ALMS1: variants seen among roughly 807,000 people sequenced by gnomAD.
ALMS1 encodes ALMS1 centrosome and basal body associated protein, also known as centrosome-associated protein ALMS1.
Under a neutral mutation model 352.2 loss-of-function variants are expected in ALMS1, and 271 were observed. That is an observed-to-expected ratio of 0.77 (90% confidence interval 0.70 to 0.85). The LOEUF (loss-of-function observed/expected upper bound fraction) is 0.85, where lower values mean the gene tolerates loss of function less well. Among genes scored for constraint, ALMS1 ranks in the 40% least tolerant of loss-of-function variants. ALMS1 has a pLI of 0.00. For synonymous variants in ALMS1, 1,865 were observed against 1,761.2 expected (o/e 1.06, Z -1.48); for missense variants, 5,445 against 4,870.7 (o/e 1.12, Z -3.51).
intron 4 of ALMS1, among the ~76,000 whole-genome samples, chr2:73,423,652 A>G (rs1012924818): frequency 1.3e-5 from 2 of 152,184 alleles, no homozygotes; most frequent in South Asian, 4.1e-4. Flanking sequence ...CTATATATTT[A>G]CCTGATATCA....
chr2:73,409,843 G>A (rs566831211), intron 2 of ALMS1, among the ~76,000 whole-genome samples: 11 of 152,300 alleles, frequency 7.2e-5, no homozygotes, highest in African/African-American at 2.6e-4. Context: ...GGAGCCCCAG[G>A]AGGGCTGATG....
At chr2:73,487,286 T>G (rs568630009) in intron 9 of ALMS1, among the ~76,000 whole-genome samples, 3 of 152,136 alleles carry the variant, frequency 2.0e-5, no homozygotes, top group African/African-American at 7.2e-5. Context: ...CAAGCAAGTG[T>G]GGGGTCTAGC....
chr2:73,494,332 G>A (rs899862563), intron 10 of ALMS1, among the ~76,000 whole-genome samples: 5 of 152,206 alleles, frequency 3.3e-5, no homozygotes, highest in Admixed American at 2.6e-4. Flanking sequence ...TGGGGGATAT[G>A]TTAGAGGTTG....
chr2:73,527,313 T>G (rs1673811799), intron 11 of ALMS1, among the ~76,000 whole-genome samples: 1 of 151,944 alleles, frequency 6.6e-6, no homozygotes, highest in Non-Finnish European at 1.5e-5. Context: ...TTCTCTCCTC[T>G]TCCATTTCTT....
intron 1 of ALMS1, among the ~76,000 whole-genome samples, chr2:73,408,173 C>T (rs568120636): frequency 9.2e-5 from 14 of 152,264 alleles, no homozygotes; most frequent in Admixed American, 7.8e-4. Flanking sequence ...ATTTGTGTTC[C>T]TTCAGCCTTT....
chr2:73,426,422 A>G, intron 5 of ALMS1, 31 bp from the exon 6 acceptor site: 1 of 1,608,544 alleles, frequency 6.2e-7, no homozygotes, highest in Non-Finnish European at 8.5e-7. Flanking sequence ...TACTATACAT[A>G]CAATTATGCA....
chr2:73,414,661 C>G (rs1487245861), intron 2 of ALMS1, among the ~76,000 whole-genome samples: 1 of 151,828 alleles, frequency 6.6e-6, no homozygotes, highest in Non-Finnish European at 1.5e-5. Context: ...GCATTTGACA[C>G]TATTATTAAT....
intron 9 of ALMS1, among the ~76,000 whole-genome samples, chr2:73,471,206 ATTTTGC>A (rs1260396510): frequency 7.1e-6 from 1 of 140,796 alleles, no homozygotes; most frequent in Non-Finnish European, 1.6e-5. Context: ...TGATTTGTTG[ATTTTGC>A]TTTGATCCTT....
chr2:73,423,470 G>GGAC (rs1671321272), intron 4 of ALMS1, among the ~76,000 whole-genome samples: 1 of 152,102 alleles, frequency 6.6e-6, no homozygotes, highest in Admixed American at 6.5e-5. Flanking sequence ...CAAATGAACA[G>GGAC]ATACTCCAAA....
In ALMS1 at chr2:73,453,410, A is replaced by G; in HGVS notation, c.6883A>G (p.Ile2295Val). 1 of 1,613,852 alleles carries G rather than the reference A, an allele frequency of 6.2e-7. No homozygotes were observed. Among genetic ancestry groups the G allele is most frequent in the Non-Finnish European group, 8.5e-7 (1 of 1,179,930 alleles). ...RFRDISDISF[I>V]QSKKVVCFKE... ...CAGAGATATTAGTGATATTTCATTT[A>G]TACAATCTAAGAAGGTGGTTTGCTT... is the stretch of plus-strand genomic sequence containing the variant. The change falls in exon 8 of 23, where the codon ATA becomes GTA. Residue 2295 changes from isoleucine to valine, a missense_variant. By Grantham distance (29) the Ile-to-Val change is conservative. Transcript: ENST00000613296.
chr2:73,397,860 C>A lies in ALMS1; in HGVS notation c.325-10762C>A, dbSNP rs79382699. Among the ~76,000 whole-genome samples the A allele has an allele frequency of 7.6e-3, 1,161 of 152,318 alleles. 11 individuals carry two copies. The highest frequency in any genetic ancestry group is 0.027 in the African/African-American group (1,109 of 41,566). ...TGTGCCCTGCCCCTCTCCATAGCCTCCCTCACTGTTAACATCCTGAATCAG... is the reference window on the plus strand; with the variant it reads ...TGTGCCCTGCCCCTCTCCATAGCCTACCTCACTGTTAACATCCTGAATCAG... On this transcript the variant is annotated intron_variant, in intron 1 of 22. Coordinates refer to ENST00000613296, the MANE Select transcript of ALMS1 (RefSeq NM_001378454.1).
intron 3 of ALMS1, among the ~76,000 whole-genome samples, chr2:73,419,911 T>C (rs1671252287): frequency 1.3e-5 from 2 of 152,224 alleles, no homozygotes; most frequent in South Asian, 4.1e-4. Context: ...TTTTATAGTT[T>C]TGTAGAGAAG....
At chr2:73,408,588 T>G (rs768744663) in intron 1 of ALMS1, 34 bp from the exon 2 acceptor site, 28 of 1,605,138 alleles carry the variant, frequency 1.7e-5, no homozygotes, top group African/African-American at 4.0e-5. Flanking sequence ...GTGATTGTGT[T>G]ATTACTCTAT....
At chr2:73,602,653 G>T (rs1281178014) in intron 20 of ALMS1, among the ~76,000 whole-genome samples, 1 of 152,174 alleles carries the variant, frequency 6.6e-6, no homozygotes, top group African/African-American at 2.4e-5. Flanking sequence ...GATTTTTCCT[G>T]AAAAGATGGG....
chr2:73,423,657 A>T (rs1009929733), intron 4 of ALMS1, among the ~76,000 whole-genome samples: 1 of 152,096 alleles, frequency 6.6e-6, no homozygotes, highest in Non-Finnish European at 1.5e-5. Flanking sequence ...TATTTACCTG[A>T]TATCACTTTT....
chr2:73,488,651 A>G (rs200929381), intron 9 of ALMS1, among the ~76,000 whole-genome samples: 1 of 152,332 alleles, frequency 6.6e-6, no homozygotes, highest in Admixed American at 6.5e-5. Flanking sequence ...AGCTGGCATC[A>G]TTGCAGCAGC....
At chr2:73,513,395 C>T (rs1339679217) in intron 10 of ALMS1, among the ~76,000 whole-genome samples, 1 of 152,156 alleles carries the variant, frequency 6.6e-6, no homozygotes, top group African/African-American at 2.4e-5. Context: ...GCTCATGACA[C>T]CTCACATTGG....
intron 1 of ALMS1, among the ~76,000 whole-genome samples, chr2:73,394,992 A>ATATATATATGTG (rs766688001): frequency 0.16 from 19,549 of 121,620 alleles, 4,262 homozygotes; most frequent in African/African-American, 0.53. Flanking sequence ...ATATATGTGT[A>ATATATATATGTG]TATATATATG....
At chr2:73,547,139 T>C (rs1313810133) in intron 12 of ALMS1, among the ~76,000 whole-genome samples, 1 of 152,222 alleles carries the variant, frequency 6.6e-6, no homozygotes, top group Non-Finnish European at 1.5e-5. Flanking sequence ...TCTGCCCACC[T>C]GTAGGCTATT....
Sources: gnomAD v4.1 joint callset for allele counts (sites outside exome capture counted in the v4.1 genomes callset) on GRCh38, gnomAD v4.1.1 for gene constraint, MANE v1.5 for transcripts, NCBI Gene and HGNC (gene_info 2026-07-23, HGNC 2026-07-21) for gene names.